The following IFI27L1 variants were observed in gnomAD, a reference collection of about 807,000 sequenced individuals.
IFI27L1 encodes interferon alpha inducible protein 27 like 1.
IFI27L1 carries 3 observed loss-of-function variants against 9.2 expected under a neutral mutation model. The ratio of observed to expected loss-of-function variants is 0.32; its 90% CI spans 0.15 to 0.84. IFI27L1 has a LOEUF of 0.84. IFI27L1 is among the 40% of genes least tolerant of loss of function. The pLI, the probability that IFI27L1 is intolerant of heterozygous loss-of-function variation, is 0.56. For synonymous variants in IFI27L1, 53 were observed against 50.0 expected (o/e 1.06, Z -0.26); for missense variants, 133 against 134.2 (o/e 0.99, Z 0.05).
intron 1 of IFI27L1, among the ~76,000 whole-genome samples, chr14:94,083,457 G>A (rs1292369041): frequency 6.6e-6 from 1 of 152,202 alleles, no homozygotes; most frequent in East Asian, 1.9e-4. Context: ...TGGATAAAAT[G>A]CTACCAATTA....
At chr14:94,087,232 G>C (rs75112385) in intron 1 of IFI27L1, among the ~76,000 whole-genome samples, 1 of 152,168 alleles carries the variant, frequency 6.6e-6, no homozygotes, top group African/African-American at 2.4e-5. Context: ...TCTGAGGTTG[G>C]GCAGGTAGTT....
intron 1 of IFI27L1, among the ~76,000 whole-genome samples, chr14:94,086,982 A>G (rs981523418): frequency 6.6e-5 from 10 of 152,258 alleles, no homozygotes; most frequent in African/African-American, 2.4e-4. Flanking sequence ...ATTTGAGAAT[A>G]CGGCATTGCA....
chr14:94,088,934 A>G (rs1276650107), intron 1 of IFI27L1: 2 of 152,204 alleles, frequency 1.3e-5, no homozygotes, highest in Non-Finnish European at 2.9e-5. Context: ...TTTTCCCCTC[A>G]GTATGTCACT....
intron 1 of IFI27L1, among the ~76,000 whole-genome samples, chr14:94,095,077 C>T (rs1421764632): frequency 2.0e-5 from 3 of 152,204 alleles, no homozygotes; most frequent in Admixed American, 6.5e-5. Context: ...CTGTGTTGCC[C>T]GGGCTGGAGT....
At chr14:94,097,724 T>C (rs1490515189) in intron 2 of IFI27L1, 6 of 701,894 alleles carry the variant, frequency 8.5e-6, no homozygotes, top group Admixed American at 2.0e-5. Context: ...AGAGAAACCA[T>C]GTGGAGTCAA....
At chr14:94,092,926 G>A (rs1017230229) in intron 1 of IFI27L1, among the ~76,000 whole-genome samples, 1 of 152,124 alleles carries the variant, frequency 6.6e-6, no homozygotes, top group Admixed American at 6.6e-5. Context: ...CACCCTCCTG[G>A]GTTCAAGCGA....
intron 2 of IFI27L1, among the ~76,000 whole-genome samples, 176 bp downstream of exon 2, chr14:94,097,141 C>A (rs777981312): frequency 6.6e-6 from 1 of 152,202 alleles, no homozygotes; most frequent in Non-Finnish European, 1.5e-5. Flanking sequence ...AATACACATG[C>A]CACAGTGGAC....
intron 1 of IFI27L1, among the ~76,000 whole-genome samples, chr14:94,095,600 A>G (rs1452034892): frequency 6.6e-6 from 1 of 152,230 alleles, no homozygotes; most frequent in Non-Finnish European, 1.5e-5. Flanking sequence ...TTACTAATGC[A>G]GAAGTTGAAG....
intron 1 of IFI27L1, among the ~76,000 whole-genome samples, chr14:94,091,950 C>T (rs1408519960): frequency 6.6e-6 from 1 of 151,506 alleles, no homozygotes; most frequent in East Asian, 1.9e-4. Flanking sequence ...ATGGTGAAAC[C>T]CTGTCTCTAC....
chr14:94,088,415 C>T (rs550185077), intron 1 of IFI27L1: 1 of 695,940 alleles, frequency 1.4e-6, no homozygotes, highest in Non-Finnish European at 2.6e-6. Context: ...CTTGGTGGCC[C>T]ACTTTTAGGG....
chr14:94,088,292 G>A (rs959978389), intron 1 of IFI27L1: 9 of 702,308 alleles, frequency 1.3e-5, no homozygotes, highest in Non-Finnish European at 1.6e-5. Context: ...GTTACTATGC[G>A]AGATGCAGAA....
At chr14:94,087,640 A>G (rs1158415053) in intron 1 of IFI27L1, among the ~76,000 whole-genome samples, 3 of 151,732 alleles carry the variant, frequency 2.0e-5, no homozygotes, top group Non-Finnish European at 4.4e-5. Flanking sequence ...GTTAGCCAGG[A>G]TGGTCTCGAT....
chr14:94,085,136 C>T (rs1303012188), intron 1 of IFI27L1, among the ~76,000 whole-genome samples: 1 of 152,132 alleles, frequency 6.6e-6, no homozygotes, highest in African/African-American at 2.4e-5. Flanking sequence ...TCCAAAAAGA[C>T]TGAAGGGTAG....
At chr14:94,086,233 G>T (rs990299919) in intron 1 of IFI27L1, among the ~76,000 whole-genome samples, 1 of 152,092 alleles carries the variant, frequency 6.6e-6, no homozygotes, top group African/African-American at 2.4e-5. Flanking sequence ...TCATGTGCCT[G>T]CCCCCCTTCC....
chr14:94,096,241 G>C (rs1204614562), intron 1 of IFI27L1, among the ~76,000 whole-genome samples: 1 of 152,144 alleles, frequency 6.6e-6, no homozygotes, highest in Non-Finnish European at 1.5e-5. Flanking sequence ...AGGGGTTTTA[G>C]GCAGATGGAT....
Position 94,096,904 on chromosome 14 carries a change from C to A in IFI27L1, c.-34C>A. Reference sequence around the variant, plus strand: ...ACCAACAGGTGGAAGTCCAAGAATCCGAGTGGAGGCTCACCGAGGCGAAGG... The same window carrying A: ...ACCAACAGGTGGAAGTCCAAGAATCAGAGTGGAGGCTCACCGAGGCGAAGG... On this transcript the variant is annotated 5_prime_UTR_variant, in exon 2 of 5. Transcript: ENST00000555523. The A allele has an allele frequency of 6.2e-7, 1 of 1,610,274 alleles. No individual in the cohort carries two copies. Among genetic ancestry groups the A allele is most frequent in the Non-Finnish European group, 8.5e-7 (1 of 1,177,048 alleles).
chr14:94,094,777 C>T (rs890715685), intron 1 of IFI27L1: 1 of 152,226 alleles, frequency 6.6e-6, no homozygotes, highest in African/African-American at 2.4e-5. Context: ...CAAGCACCCT[C>T]TCTTGGAGTC....
intron 1 of IFI27L1, among the ~76,000 whole-genome samples, chr14:94,093,650 G>A (rs1175923147): frequency 6.6e-6 from 1 of 152,138 alleles, no homozygotes; most frequent in East Asian, 1.9e-4. Context: ...CTCTGACCAG[G>A]GGCCCTGGTT....
intron 1 of IFI27L1, among the ~76,000 whole-genome samples, chr14:94,092,357 CA>C (rs1382066479): frequency 4.0e-5 from 6 of 151,490 alleles, no homozygotes; most frequent in Non-Finnish European, 8.8e-5. Flanking sequence ...ACTAAAAATA[CA>C]AAAATTAGCC....
Sources: allele counts gnomAD v4.1 joint callset (sites outside exome capture counted in the v4.1 genomes callset), GRCh38; gene constraint gnomAD v4.1.1; transcripts MANE v1.5; gene names NCBI Gene and HGNC (gene_info 2026-07-23, HGNC 2026-07-21).